Variants in EFCAB11 observed in about 807,000 individuals in gnomAD.
The protein encoded by EFCAB11 is EF-hand calcium binding domain 11.
Under a neutral mutation model 23.0 loss-of-function variants are expected in EFCAB11, and 14 were observed. The ratio of observed to expected loss-of-function variants is 0.61; its 90% CI spans 0.40 to 0.95. EFCAB11 has a LOEUF of 0.95. EFCAB11 is among the 40% of genes least tolerant of loss of function. The pLI is 0.00. For missense variants in EFCAB11, 198 were observed against 195.8 expected (o/e 1.01, Z -0.07); for synonymous variants, 65 against 66.6 (o/e 0.98, Z 0.11).
chr14:89,908,916 G>A (rs10137726), intron 5 of EFCAB11, among the ~76,000 whole-genome samples: 23,783 of 152,132 alleles, frequency 0.16, 2,289 homozygotes, highest in South Asian at 0.25. Context: ...ACTCAGGCTA[G>A]ATCTAAGCTG....
At chr14:89,804,177 C>CCA (rs1555369853) in intron 5 of EFCAB11, among the ~76,000 whole-genome samples, 1 of 152,216 alleles carries the variant, frequency 6.6e-6, no homozygotes, top group Non-Finnish European at 1.5e-5. Context: ...CCCTACCCCC[C>CCA]AAACGTGGAA....
chr14:89,868,630 T>G (rs1888173285), intron 5 of EFCAB11, among the ~76,000 whole-genome samples: 1 of 152,236 alleles, frequency 6.6e-6, no homozygotes, highest in Non-Finnish European at 1.5e-5. Context: ...GGAGGCCAGT[T>G]CTGGCTACTT....
intron 5 of EFCAB11, among the ~76,000 whole-genome samples, chr14:89,843,018 C>T (rs542473720): frequency 3.3e-5 from 5 of 152,292 alleles, no homozygotes; most frequent in South Asian, 4.1e-4. Flanking sequence ...GCACTTACCA[C>T]ACTTTATGGG....
intron 5 of EFCAB11, among the ~76,000 whole-genome samples, chr14:89,816,165 TTCCTTGATTTCCTTTCAGTTTGTTCAC>T (rs1886332240): frequency 6.6e-6 from 1 of 152,202 alleles, no homozygotes. Flanking sequence ...ATGGAGTTGC[TTCCTTGATTTCCTTTCAGTTTGTTCAC>T]TGTTGGCATA....
chr14:89,797,428 G>A, intron 5 of EFCAB11, 104 bp from the exon 6 acceptor site: 4 of 1,011,014 alleles, frequency 4.0e-6, no homozygotes, highest in Non-Finnish European at 5.8e-6. Flanking sequence ...TGTGAGAGAG[G>A]AACCTATTTT....
intron 5 of EFCAB11, among the ~76,000 whole-genome samples, chr14:89,922,738 A>G (rs1890060629): frequency 6.6e-6 from 1 of 152,208 alleles, no homozygotes; most frequent in Non-Finnish European, 1.5e-5. Context: ...ATACCCTACT[A>G]TGCCTTCTCA....
chr14:89,891,916 C>T (rs562530715), intron 5 of EFCAB11, among the ~76,000 whole-genome samples: 1 of 152,022 alleles, frequency 6.6e-6, no homozygotes, highest in African/African-American at 2.4e-5. Context: ...AGCCCAAGCC[C>T]GAGCCCACGG....
chr14:89,904,761 G>A (rs923530810), intron 5 of EFCAB11, among the ~76,000 whole-genome samples: 4 of 152,170 alleles, frequency 2.6e-5, no homozygotes, highest in African/African-American at 7.2e-5. Context: ...TCCGTTGGCT[G>A]CATAAATATC....
chr14:89,826,026 C>T (rs1337459252), intron 5 of EFCAB11, among the ~76,000 whole-genome samples: 1 of 152,002 alleles, frequency 6.6e-6, no homozygotes, highest in Admixed American at 6.6e-5. Flanking sequence ...CAGGTTTCTG[C>T]CCTAATGGAG....
intron 5 of EFCAB11, among the ~76,000 whole-genome samples, chr14:89,849,730 T>C (rs1306351610): frequency 1.3e-5 from 2 of 149,622 alleles, no homozygotes; most frequent in African/African-American, 2.4e-5. Flanking sequence ...AAAAAGAACC[T>C]AGAAAATAAT....
intron 5 of EFCAB11, among the ~76,000 whole-genome samples, chr14:89,849,604 C>CTGT (rs1887538078): frequency 1.5e-5 from 1 of 68,784 alleles, no homozygotes; most frequent in Non-Finnish European, 3.5e-5. Context: ...ACAAGGAAAT[C>CTGT]TGTTTTTTTT....
At chr14:89,833,380 C>T (rs1247670734) in intron 5 of EFCAB11, among the ~76,000 whole-genome samples, 1 of 152,188 alleles carries the variant, frequency 6.6e-6, no homozygotes, top group East Asian at 1.9e-4. Flanking sequence ...ATAAATTCAG[C>T]ATATATTTTG....
chr14:89,834,411 G>C (rs921190420), intron 5 of EFCAB11, among the ~76,000 whole-genome samples: 18 of 105,004 alleles, frequency 1.7e-4, no homozygotes, highest in African/African-American at 4.9e-4. Flanking sequence ...AAACCTTTTT[G>C]TTTAAACTTC....
Position 89,924,388 on chromosome 14 carries a change from C to T in EFCAB11, c.410+7153G>A, listed in dbSNP as rs751314511. 78 of 1,194,508 alleles carry T rather than the reference C, an allele frequency of 6.5e-5. No homozygotes were observed. The East Asian group carries it at 1.2e-3, about 18-fold the overall frequency. 74.0% of individuals were successfully genotyped at this position (1,194,508 alleles called of 1,614,324 possible). On this transcript the variant is annotated intron_variant, in intron 5 of 5. Transcript: ENST00000316738. Reference sequence around the variant, plus strand: ...CTGCCTGTGCACTCAGGATCTTGGACGCTGGGTCAGGGCATGGACCTTATG... The same window carrying T: ...CTGCCTGTGCACTCAGGATCTTGGATGCTGGGTCAGGGCATGGACCTTATG...
chr14:89,856,249 T>A (rs758344140), intron 5 of EFCAB11, among the ~76,000 whole-genome samples: 1 of 150,696 alleles, frequency 6.6e-6, no homozygotes, highest in Non-Finnish European at 1.5e-5. Flanking sequence ...AGTGCAGTGG[T>A]GCAATCTTGG....
At chr14:89,798,384 A>G (rs1885645712) in intron 5 of EFCAB11, among the ~76,000 whole-genome samples, 1 of 152,256 alleles carries the variant, frequency 6.6e-6, no homozygotes, top group Admixed American at 6.5e-5. Context: ...GGTAAAATAT[A>G]CATGATGATT....
chr14:89,860,225 G>A (rs984081034), intron 5 of EFCAB11, among the ~76,000 whole-genome samples: 8 of 152,280 alleles, frequency 5.3e-5, no homozygotes, highest in Admixed American at 3.9e-4. Context: ...CTAGCTGGGT[G>A]TGGTGGCGGG....
chr14:89,869,877 G>C (rs933896139), intron 5 of EFCAB11, among the ~76,000 whole-genome samples: 1 of 152,180 alleles, frequency 6.6e-6, no homozygotes, highest in Non-Finnish European at 1.5e-5. Flanking sequence ...ATAAGGGCTG[G>C]TGAGTCCCCA....
intron 5 of EFCAB11, among the ~76,000 whole-genome samples, chr14:89,832,214 G>A (rs1310416067): frequency 6.6e-6 from 1 of 152,144 alleles, no homozygotes; most frequent in Non-Finnish European, 1.5e-5. Context: ...TTGGGAGGCT[G>A]AGGTAGGAGA....
Sources: gnomAD v4.1 joint callset for allele counts (sites outside exome capture counted in the v4.1 genomes callset) on GRCh38, gnomAD v4.1.1 for gene constraint, MANE v1.5 for transcripts, NCBI Gene and HGNC (gene_info 2026-07-23, HGNC 2026-07-21) for gene names.